PRKN: variants seen among roughly 807,000 people sequenced by gnomAD.
PRKN encodes parkin RBR E3 ubiquitin protein ligase, also known as E3 ubiquitin-protein ligase parkin.
In PRKN, 56 loss-of-function variants were observed where a neutral mutation model predicts 59.5. That is an observed-to-expected ratio of 0.94 (90% confidence interval 0.76 to 1.18). The LOEUF (loss-of-function observed/expected upper bound fraction) is 1.18. Ranked by LOEUF, PRKN falls within the 50% of genes most tolerant of loss-of-function variation. The probability of loss-of-function intolerance (pLI) is 0.00; values close to 1 mark genes in which losing one functional copy is unlikely to be tolerated. For missense variants in PRKN, 657 were observed against 596.4 expected (o/e 1.10, Z -1.06); for synonymous variants, 250 against 222.1 (o/e 1.13, Z -1.12).
chr6:161,815,614 T>C (rs1301656116), intron 6 of PRKN, among the ~76,000 whole-genome samples: 2 of 152,136 alleles, frequency 1.3e-5, no homozygotes, highest in Non-Finnish European at 2.9e-5. Flanking sequence ...CATGAGACAA[T>C]GTGGGACAAA....
chr6:162,173,684 C>G (rs1028361595), intron 4 of PRKN, among the ~76,000 whole-genome samples: 2 of 152,090 alleles, frequency 1.3e-5, no homozygotes, highest in African/African-American at 4.8e-5. Context: ...TTGTCTTACA[C>G]CAATCAATAA....
At chr6:162,667,305 A>G (rs1037570816) in intron 1 of PRKN, among the ~76,000 whole-genome samples, 2 of 152,118 alleles carry the variant, frequency 1.3e-5, no homozygotes, top group African/African-American at 4.8e-5. Flanking sequence ...AAGATTTTTT[A>G]CAATTTTAAA....
intron 7 of PRKN, among the ~76,000 whole-genome samples, chr6:161,617,183 G>A (rs1217436480): frequency 6.6e-6 from 1 of 151,978 alleles, no homozygotes; most frequent in Admixed American, 6.5e-5. Context: ...TTTTTCATAT[G>A]CTTGTTGGCC....
chr6:161,937,290 AT>A (rs202162604), intron 6 of PRKN, among the ~76,000 whole-genome samples: 16 of 152,122 alleles, frequency 1.1e-4, no homozygotes, highest in African/African-American at 3.6e-4. Flanking sequence ...TTTTAATTCC[AT>A]TTTTTTTCCA....
At chr6:161,646,779 A>AC (rs1783972589) in intron 7 of PRKN, among the ~76,000 whole-genome samples, 2 of 152,112 alleles carry the variant, frequency 1.3e-5, no homozygotes, top group Non-Finnish European at 2.9e-5. Context: ...GAATGCCACA[A>AC]CCCAAACAGG....
chr6:162,026,413 T>C (rs942024859), intron 5 of PRKN, among the ~76,000 whole-genome samples: 5 of 152,250 alleles, frequency 3.3e-5, no homozygotes, highest in African/African-American at 1.2e-4. Context: ...ATGTAGGTCC[T>C]GTAACCTACT....
intron 3 of PRKN, among the ~76,000 whole-genome samples, chr6:162,231,612 G>T (rs1243584898): frequency 1.3e-5 from 2 of 152,130 alleles, no homozygotes; most frequent in Non-Finnish European, 2.9e-5. Context: ...ATCACAATTT[G>T]ATCATTTGGG....
intron 1 of PRKN, among the ~76,000 whole-genome samples, chr6:162,470,803 C>T (rs1045430945): frequency 3.9e-5 from 6 of 152,026 alleles, no homozygotes; most frequent in African/African-American, 1.2e-4. Context: ...GTGGCCCAGG[C>T]TGGAATGCAG....
At position 161,386,836 on chromosome 6, in the gene PRKN, C is replaced by G. The variant is rs1177049112; in HGVS notation, c.1125G>C (p.Gly375=). Residue 375 remains glycine (G), a synonymous_variant, in exon 10 of 12, where the codon GGG becomes GGC. Coordinates refer to ENST00000366898, the MANE Select transcript of PRKN (RefSeq NM_004562.3). This position sits in a 1 kb window ranked among gnomAD's most constrained non-coding sequence, Gnocchi z 4.3. ...CRECKEAYHE[G]ECSAVFEASG... is the part of the protein sequence containing the mutation. ...AGGCTTCAAATACGGCACTGCACTC[C>G]CCTTCATGGTACGCTTCTTTACATT... 6.2e-6 allele frequency: 10 copies of G among 1,614,098 alleles called. No individual in the cohort carries two copies. The East Asian group carries it at 2.2e-4, about 36-fold the overall frequency.
At chr6:161,992,866 A>G (rs555655721) in intron 5 of PRKN, among the ~76,000 whole-genome samples, 1 of 152,328 alleles carries the variant, frequency 6.6e-6, no homozygotes, top group East Asian at 1.9e-4. Context: ...CATTAGGTCA[A>G]GGAAGAAACT....
intron 6 of PRKN, among the ~76,000 whole-genome samples, chr6:161,799,241 A>T (rs1411741870): frequency 6.6e-6 from 1 of 152,170 alleles, no homozygotes; most frequent in East Asian, 1.9e-4. Flanking sequence ...ATCTTTCTGT[A>T]TTCCCAATGC....
chr6:162,619,706 C>CCAGT lies in PRKN; in HGVS notation c.7+107955_7+107956insACTG, dbSNP rs201675678. On this transcript the variant is annotated intron_variant, in intron 1 of 11. Coordinates refer to ENST00000366898, the MANE Select transcript of PRKN (RefSeq NM_004562.3). ...GTTGGTATCTATCCTTTCACTTTTT[C>CCAGT]CACTCACACACACACACACACACAC... Among the ~76,000 whole-genome samples the CCAGT allele has an allele frequency of 7.4e-3, 331 of 44,950 alleles. 2 individuals carry two copies. The highest frequency in any genetic ancestry group is 0.026 in the East Asian group (32 of 1,210). 29.5% of individuals were successfully genotyped at this position (44,950 alleles called of 152,430 possible).
rs1459839032 is a variant in PRKN, at chr6:162,094,605, ATGTTTCTCATG to A, written c.535-40442_535-40432del. Among the ~76,000 whole-genome samples the A allele has an allele frequency of 5.3e-5, 8 of 152,252 alleles. No homozygotes were observed. The South Asian group carries it at 1.7e-3, about 32-fold the overall frequency. ...AGTATCATTATTTGAAGGACTTTGAATGTTTCTCATGTGACTGGAAAGACTATTCATATTCT... is the reference window on the plus strand; with the variant it reads ...AGTATCATTATTTGAAGGACTTTGAATGACTGGAAAGACTATTCATATTCT... On this transcript the variant is annotated intron_variant, in intron 4 of 11. Coordinates refer to ENST00000366898, the MANE Select transcript of PRKN (RefSeq NM_004562.3).
intron 1 of PRKN, among the ~76,000 whole-genome samples, chr6:162,687,761 A>C (rs1777626699): frequency 6.6e-6 from 1 of 152,218 alleles, no homozygotes; most frequent in African/African-American, 2.4e-5. Flanking sequence ...ACCTAGCAGG[A>C]ATCTCTAATT....
chr6:162,039,515 CTCT>C (rs1249576794), intron 5 of PRKN, among the ~76,000 whole-genome samples: 2 of 152,154 alleles, frequency 1.3e-5, no homozygotes, highest in Admixed American at 6.5e-5. Context: ...CCTTCTCTCT[CTCT>C]TGTTTCCCCT....
intron 2 of PRKN, among the ~76,000 whole-genome samples, chr6:162,400,209 G>GA (rs1018645905): frequency 6.9e-6 from 1 of 144,482 alleles, no homozygotes; most frequent in Non-Finnish European, 1.5e-5. Flanking sequence ...TCTGTCTCAA[G>GA]AAAAAAACAA....
intron 9 of PRKN, among the ~76,000 whole-genome samples, chr6:161,425,373 C>A (rs117833737): frequency 2.0e-5 from 3 of 152,186 alleles, no homozygotes; most frequent in African/African-American, 7.2e-5. Context: ...ATCGCTGCAC[C>A]CATTGCAATC....
chr6:162,356,127 A>G (rs1784846671), intron 2 of PRKN, among the ~76,000 whole-genome samples: 1 of 152,100 alleles, frequency 6.6e-6, no homozygotes, highest in Admixed American at 6.6e-5. Flanking sequence ...GACCTTTATT[A>G]TCTCCCTTAA....
intron 9 of PRKN, among the ~76,000 whole-genome samples, chr6:161,398,192 C>G (rs548069620): frequency 6.6e-6 from 1 of 152,100 alleles, no homozygotes; most frequent in Non-Finnish European, 1.5e-5. Flanking sequence ...CCTAACAGAG[C>G]ACCATAGCAG....
Sources: gnomAD v4.1 joint callset for allele counts (sites outside exome capture counted in the v4.1 genomes callset) on GRCh38, gnomAD v4.1.1 for gene constraint, Gnocchi (gnomAD v3.1) non-coding constraint, MANE v1.5 for transcripts, NCBI Gene and HGNC (gene_info 2026-07-23, HGNC 2026-07-21) for gene names.